JAK1: variants seen among roughly 807,000 people sequenced by gnomAD.
JAK1 encodes tyrosine-protein kinase JAK1.
JAK1 carries 16 observed loss-of-function variants against 136.6 expected under a neutral mutation model. The observed-to-expected ratio is 0.12, with a 90% CI of 0.08 to 0.18. The LOEUF (loss-of-function observed/expected upper bound fraction) is 0.18. Among genes scored for constraint, JAK1 ranks in the 10% least tolerant of loss-of-function variants. The pLI, the probability that JAK1 is intolerant of heterozygous loss-of-function variation, is 1.00. For missense variants in JAK1, 859 were observed against 1,450.1 expected (o/e 0.59, Z 6.62); for synonymous variants, 492 against 519.5 (o/e 0.95, Z 0.72).
intron 1 of JAK1, among the ~76,000 whole-genome samples, chr1:64,899,671 T>C (rs1014683300): frequency 2.0e-5 from 3 of 152,206 alleles, no homozygotes; most frequent in African/African-American, 7.2e-5. Context: ...TGGGTAAGCA[T>C]AGTGCTAATA....
chr1:65,005,192 A>G (rs1049026753), intron 2 of JAK1, among the ~76,000 whole-genome samples: 2 of 152,180 alleles, frequency 1.3e-5, no homozygotes, highest in African/African-American at 4.8e-5. Flanking sequence ...AAAAATACAA[A>G]AATTAGCAGG....
At position 64,878,561 on chromosome 1, in the gene JAK1, G is replaced by A. The variant is rs199855835; in HGVS notation, c.329+464C>T. ...ATCATGACCTTTATATATATAGTGT[G>A]TATATATATATATATATATATATAT... On this transcript the variant is annotated intron_variant, in intron 4 of 24. Coordinates refer to ENST00000342505, the MANE Select transcript of JAK1 (RefSeq NM_002227.4). 1.4e-3 allele frequency among the ~76,000 whole-genome samples: 172 copies of A among 119,786 alleles called. 1 individual carries two copies. Among genetic ancestry groups the A allele is most frequent in the African/African-American group, 3.3e-3 (110 of 33,302 alleles). 78.6% of individuals were successfully genotyped at this position (119,786 alleles called of 152,430 possible).
At chr1:65,007,310 A>T (rs1262656378) in intron 2 of JAK1, among the ~76,000 whole-genome samples, 1 of 152,130 alleles carries the variant, frequency 6.6e-6, no homozygotes, top group Non-Finnish European at 1.5e-5. Context: ...GGTCTGTCTT[A>T]TTCTTGTTCT....
intron 8 of JAK1, among the ~76,000 whole-genome samples, chr1:64,864,464 G>T (rs983413039): frequency 6.6e-6 from 1 of 152,240 alleles, no homozygotes; most frequent in African/African-American, 2.4e-5. Flanking sequence ...CCCTTGGGAG[G>T]AAACACTGAC....
chr1:65,018,656 A>G (rs1221648212), intron 2 of JAK1, among the ~76,000 whole-genome samples: 1 of 152,238 alleles, frequency 6.6e-6, no homozygotes, highest in Non-Finnish European at 1.5e-5. Context: ...GGGAAAAATC[A>G]ACAAACCTTA....
intron 2 of JAK1, chr1:64,991,700 A>G (rs995735913): frequency 6.6e-6 from 1 of 152,244 alleles, no homozygotes; most frequent in African/African-American, 2.4e-5. Flanking sequence ...AAGAATCTAC[A>G]AGAAACCTAC....
At chr1:64,860,418 G>T (rs2780825) in intron 8 of JAK1, among the ~76,000 whole-genome samples, 156 bp from the exon 9 acceptor site, 4,355 of 53,806 alleles carry the variant, frequency 0.081, 81 homozygotes, top group African/African-American at 0.13. Flanking sequence ...CCCCTTGCAT[G>T]CATTTATTTA....
At chr1:64,873,299 AG>A in intron 5 of JAK1, 70 bp downstream of exon 5, 2 of 1,570,220 alleles carry the variant, frequency 1.3e-6, no homozygotes, top group Non-Finnish European at 8.8e-7. Context: ...CAGCTGCAGC[AG>A]GGGGTCTGAG....
chr1:64,850,427 T>C (rs1199379586), intron 12 of JAK1, among the ~76,000 whole-genome samples: 1 of 152,242 alleles, frequency 6.6e-6, no homozygotes, highest in Non-Finnish European at 1.5e-5. Flanking sequence ...CATCAGAAAG[T>C]GCAGGACTGA....
intron 2 of JAK1, chr1:65,003,403 T>C (rs552714680): frequency 2.0e-5 from 3 of 152,154 alleles, no homozygotes; most frequent in South Asian, 4.2e-4. Context: ...TTCGATTTGT[T>C]TGGGGGAGAA....
chr1:64,850,235 C>G (rs1655502504), intron 12 of JAK1, among the ~76,000 whole-genome samples: 2 of 152,204 alleles, frequency 1.3e-5, no homozygotes, highest in South Asian at 4.1e-4. Context: ...CCAGCAACAG[C>G]TCCAGGGCAG....
intron 2 of JAK1, among the ~76,000 whole-genome samples, chr1:65,033,350 T>A (rs776319830): frequency 2.9e-4 from 44 of 152,140 alleles, no homozygotes; most frequent in South Asian, 6.3e-4. Flanking sequence ...AATAAAATTT[T>A]AAAATTTTTT....
intron 1 of JAK1, among the ~76,000 whole-genome samples, chr1:64,933,250 G>A (rs60275398): frequency 0.049 from 7,485 of 152,190 alleles, 398 homozygotes; most frequent in East Asian, 0.26. Flanking sequence ...CCCTTTCCAG[G>A]GAAGAAAAAA....
intron 2 of JAK1, among the ~76,000 whole-genome samples, chr1:65,007,556 G>A (rs575763966): frequency 2.6e-4 from 39 of 152,252 alleles, no homozygotes; most frequent in African/African-American, 8.9e-4. Context: ...CACCTCCCAT[G>A]TTCAAGCAAT....
chr1:64,842,346 C>T (rs1186570429), intron 17 of JAK1, among the ~76,000 whole-genome samples: 2 of 151,398 alleles, frequency 1.3e-5, no homozygotes, highest in African/African-American at 2.4e-5. Context: ...ATTTTAGAAA[C>T]AAGAACTTAT....
At chr1:65,026,225 C>A (rs759203090) in intron 2 of JAK1, among the ~76,000 whole-genome samples, 2 of 152,132 alleles carry the variant, frequency 1.3e-5, no homozygotes, top group Non-Finnish European at 2.9e-5. Context: ...TCTTTTGAAC[C>A]ATTACCTTAT....
At chr1:64,988,968 A>G (rs963718711) in intron 2 of JAK1, among the ~76,000 whole-genome samples, 2 of 134,168 alleles carry the variant, frequency 1.5e-5, no homozygotes, top group South Asian at 5.0e-4. Flanking sequence ...GTATGTATGT[A>G]TATATATATG....
intron 17 of JAK1, 82 bp downstream of exon 17, chr1:64,843,982 C>T: frequency 6.6e-7 from 1 of 1,520,100 alleles, no homozygotes. Flanking sequence ...TCCCACAGTG[C>T]CAGGCTTCCG....
intron 1 of JAK1, among the ~76,000 whole-genome samples, chr1:64,908,994 G>A (rs1019667527): frequency 7.9e-5 from 12 of 152,164 alleles, no homozygotes; most frequent in Non-Finnish European, 1.2e-4. Flanking sequence ...AAGAATGAAT[G>A]AATGAATGAA....
Sources: gnomAD v4.1 joint callset for allele counts (sites outside exome capture counted in the v4.1 genomes callset) on GRCh38, gnomAD v4.1.1 for gene constraint, MANE v1.5 for transcripts, NCBI Gene and HGNC (gene_info 2026-07-23, HGNC 2026-07-21) for gene names.